PPP6C: variants seen among roughly 807,000 people sequenced by gnomAD.
The protein encoded by PPP6C is serine/threonine-protein phosphatase 6 catalytic subunit.
A neutral mutation model predicts 39.8 loss-of-function variants in PPP6C; 11 were observed. That is an observed-to-expected ratio of 0.28 (90% confidence interval 0.17 to 0.46). The LOEUF is 0.46. PPP6C is among the 20% of genes least tolerant of loss of function. The probability of loss-of-function intolerance (pLI) is 1.00; values close to 1 mark genes in which losing one functional copy is unlikely to be tolerated. For missense variants in PPP6C, 211 were observed against 373.9 expected (o/e 0.56, Z 3.59); for synonymous variants, 129 against 130.3 (o/e 0.99, Z 0.07).
intron 1 of PPP6C, among the ~76,000 whole-genome samples, chr9:125,175,420 C>T (rs369765074): frequency 6.6e-6 from 1 of 151,674 alleles, no homozygotes; most frequent in African/African-American, 2.4e-5. Flanking sequence ...GGGTGGATCA[C>T]GAGGTCAGGA....
Position 125,182,556 on chromosome 9 carries a change from A to G in PPP6C, c.75+7088T>C, listed in dbSNP as rs567047587. Among the ~76,000 whole-genome samples the G allele has an allele frequency of 7.2e-5, 11 of 152,134 alleles. No individual in the cohort carries two copies. The East Asian group carries it at 2.1e-3, about 29-fold the overall frequency. On this transcript the variant is annotated intron_variant, in intron 1 of 6. Transcript: ENST00000373547. The stretch of plus-strand genomic sequence containing the variant: ...ACAGTCTTTATATAAAGTCTCTACT[A>G]TAATACAGATCACTGGGAATGAGAA...
chr9:125,174,646 A>G lies in PPP6C; in HGVS notation c.76-3466T>C, dbSNP rs12685215. 0.018 allele frequency among the ~76,000 whole-genome samples: 2,779 copies of G among 151,982 alleles called. 157 individuals are homozygous for G. In the East Asian group the frequency reaches 0.22, roughly 12 times the overall value. On this transcript the variant is annotated intron_variant, in intron 1 of 6. Transcript: ENST00000373547. The stretch of plus-strand genomic sequence containing the variant: ...AAAAACAGGCCAGCCGTGGTGGCTC[A>G]CACCTATAATTCCAGCACTTTAGGA...
Position 125,171,478 on chromosome 9 carries a change from CATATATATATATAT to C in PPP6C, c.76-312_76-299del, listed in dbSNP as rs59002869. On this transcript the variant is annotated intron_variant, in intron 1 of 6. Transcript: ENST00000373547. The stretch of plus-strand genomic sequence containing the variant: ...ACACATATACACACACACACACACA[CATATATATATATAT>C]ATATATATATATATATATATATATG... Among the ~76,000 whole-genome samples the C allele has an allele frequency of 6.3e-3, 523 of 83,522 alleles. 8 individuals are homozygous for C. The Middle Eastern group carries it at 0.073, about 12-fold the overall frequency. The allele number at this position is 83,522 out of a possible 152,430, so 54.8% of individuals were successfully genotyped here. A position where few individuals can be genotyped will look rare whatever the true frequency, so the allele number is the denominator to read the frequency against.
At chr9:125,155,558 T>C (rs1373091061) in intron 4 of PPP6C, among the ~76,000 whole-genome samples, 1 of 152,156 alleles carries the variant, frequency 6.6e-6, no homozygotes, top group Non-Finnish European at 1.5e-5. Context: ...GATATTTTAT[T>C]CCTTGAAAAT....
intron 6 of PPP6C, chr9:125,151,516 G>A: frequency 1.3e-6 from 1 of 796,724 alleles, no homozygotes; most frequent in Non-Finnish European, 2.3e-6. Context: ...ACATCTCTAT[G>A]AGCCTTGCAG....
At chr9:125,188,645 G>A (rs1312999955) in intron 1 of PPP6C, among the ~76,000 whole-genome samples, 4 of 151,860 alleles carry the variant, frequency 2.6e-5, no homozygotes, top group Non-Finnish European at 5.9e-5. Flanking sequence ...ACAGCCGGGC[G>A]TCGTGACGGG....
intron 2 of PPP6C, 102 bp downstream of exon 2, chr9:125,170,983 G>T: frequency 1.4e-6 from 1 of 714,060 alleles, no homozygotes. Context: ...ACCACCAGTT[G>T]TGTTTGTTGA....
At position 125,151,082 on chromosome 9, in the gene PPP6C, C is replaced by T. The variant is rs954025336; in HGVS notation, c.670-1161G>A. The T allele has an allele frequency of 3.0e-6, 4 of 1,323,244 alleles. No individual in the cohort carries two copies. In the African/African-American group the frequency reaches 4.3e-5, roughly 14 times the overall value. The allele number at this position is 1,323,244 out of a possible 1,614,324, so 82.0% of individuals were successfully genotyped here. On this transcript the variant is annotated intron_variant, in intron 6 of 6. Transcript: ENST00000373547. ...GATAACCCAGTGGACTATCTGTATG[C>T]AGAGCCAGGTGTCCTGAAGTGGATA...
intron 1 of PPP6C, among the ~76,000 whole-genome samples, chr9:125,185,475 CCTGAGGTCAG>C (rs1829507574): frequency 6.6e-6 from 1 of 151,518 alleles, no homozygotes; most frequent in African/African-American, 2.4e-5. Flanking sequence ...GGGTGGATCA[CCTGAGGTCAG>C]GAGTTTGAGA....
At chr9:125,163,253 T>C (rs1430241631) in intron 2 of PPP6C, among the ~76,000 whole-genome samples, 1 of 152,158 alleles carries the variant, frequency 6.6e-6, no homozygotes, top group African/African-American at 2.4e-5. Context: ...GGGAAAAGAA[T>C]GGAATACAAA....
At chr9:125,188,906 A>G in intron 1 of PPP6C, 1 of 1,547,352 alleles carries the variant, frequency 6.5e-7, no homozygotes, top group African/African-American at 1.4e-5. Flanking sequence ...CTCAGGAGTA[A>G]CAAGGAACTC....
intron 1 of PPP6C, among the ~76,000 whole-genome samples, chr9:125,175,877 A>C (rs1171789919): frequency 2.6e-5 from 4 of 152,168 alleles, no homozygotes; most frequent in Non-Finnish European, 2.9e-5. Context: ...ACAGACTAAA[A>C]GCTCTGCTCT....
intron 4 of PPP6C, among the ~76,000 whole-genome samples, chr9:125,155,852 C>T (rs1034037820): frequency 7.0e-5 from 10 of 143,258 alleles, no homozygotes; most frequent in South Asian, 2.1e-4. Flanking sequence ...TTGCAGTGAG[C>T]GAAGATCGCA....
intron 1 of PPP6C, among the ~76,000 whole-genome samples, chr9:125,172,207 T>C (rs1829185963): frequency 6.6e-6 from 1 of 152,178 alleles, no homozygotes; most frequent in South Asian, 2.1e-4. Flanking sequence ...ATTCCATTTA[T>C]ATAACCTTCT....
chr9:125,175,435 G>A (rs924475335), intron 1 of PPP6C, among the ~76,000 whole-genome samples: 1 of 151,662 alleles, frequency 6.6e-6, no homozygotes, highest in Non-Finnish European at 1.5e-5. Context: ...TCAGGAGATC[G>A]AGACCATCCT....
At chr9:125,179,759 G>A (rs1829384644) in intron 1 of PPP6C, among the ~76,000 whole-genome samples, 2 of 150,786 alleles carry the variant, frequency 1.3e-5, no homozygotes, top group Non-Finnish European at 2.9e-5. Flanking sequence ...AGATTCAAGC[G>A]ATTCTCCTGC....
At chr9:125,189,051 C>A in intron 1 of PPP6C, 1 of 858,112 alleles carries the variant, frequency 1.2e-6, no homozygotes, top group South Asian at 1.7e-5. Context: ...CGGGATTCAC[C>A]TCTGAATTAG....
intron 6 of PPP6C, among the ~76,000 whole-genome samples, chr9:125,152,612 C>T (rs762783557): frequency 6.6e-6 from 1 of 152,022 alleles, no homozygotes; most frequent in Admixed American, 6.6e-5. Context: ...GGGCAGATGA[C>T]CTGAGGTCAG....
intron 3 of PPP6C, among the ~76,000 whole-genome samples, chr9:125,159,117 C>T (rs1163964008): frequency 6.7e-6 from 1 of 149,444 alleles, no homozygotes; most frequent in Non-Finnish European, 1.5e-5. Context: ...TGGCTCACTG[C>T]AACCTCCCCT....
Sources: allele counts gnomAD v4.1 joint callset (sites outside exome capture counted in the v4.1 genomes callset), GRCh38; gene constraint gnomAD v4.1.1; transcripts MANE v1.5; gene names NCBI Gene and HGNC (gene_info 2026-07-23, HGNC 2026-07-21).